The following SLC2A10 variants were observed in gnomAD, a reference collection of about 807,000 sequenced individuals.
SLC2A10 encodes the protein solute carrier family 2 member 10, also known as solute carrier family 2, facilitated glucose transporter member 10.
A neutral mutation model predicts 32.1 loss-of-function variants in SLC2A10; 25 were observed. That is an observed-to-expected ratio of 0.78 (90% CI 0.57 to 1.09). The LOEUF (loss-of-function observed/expected upper bound fraction) is 1.09, where lower values mean the gene tolerates loss of function less well. SLC2A10 is among the 50% of genes least tolerant of loss of function. The pLI is 0.00. For missense variants in SLC2A10, 673 were observed against 686.5 expected (o/e 0.98, Z 0.22); for synonymous variants, 332 against 309.6 (o/e 1.07, Z -0.76).
At chr20:46,722,794 G>A (rs191055570) in intron 1 of SLC2A10, among the ~76,000 whole-genome samples, 2 of 152,254 alleles carry the variant, frequency 1.3e-5, no homozygotes, top group African/African-American at 4.8e-5. Context: ...ACAATACCTG[G>A]AGCTGTGTTG....
rs1238953277 is a variant in SLC2A10 at position 46,711,030 on chromosome 20, G to A, written c.4+1290G>A. Among the ~76,000 whole-genome samples the A allele has an allele frequency of 3.3e-5, 5 of 152,070 alleles. No homozygotes were observed. The East Asian group carries it at 5.8e-4, about 18-fold the overall frequency. ...TGGGATTACAGGCATACACCACCAC[G>A]CCCAGCTAATTTTTGTATTTTTAGT... On this transcript the variant is annotated intron_variant, in intron 1 of 4. Transcript: ENST00000359271.
chr20:46,724,011 C>T (rs1318611562), intron 1 of SLC2A10, among the ~76,000 whole-genome samples: 1 of 152,188 alleles, frequency 6.6e-6, no homozygotes. Context: ...ACTGTCCTAC[C>T]TCAGGGCCTC....
chr20:46,710,231 G>A (rs1180988580), intron 1 of SLC2A10: 2 of 404,820 alleles, frequency 4.9e-6, no homozygotes, highest in East Asian at 3.6e-5. Flanking sequence ...GACAGAGAAG[G>A]AGATTCTAAC....
rs1411275410 is a variant in SLC2A10, at chr20:46,716,214, AC to A, written c.4+6475del. ...GTTGTCCAGGCTGGAGTGCAGTGGC[AC>A]GATCTCGGCTCACTGCAACCTCCAC... On this transcript the variant is annotated intron_variant, in intron 1 of 4. Transcript: ENST00000359271. Among the ~76,000 whole-genome samples the A allele has an allele frequency of 5.4e-5, 8 of 149,204 alleles. No individual in the cohort carries two copies. The East Asian group carries it at 1.6e-3, about 29-fold the overall frequency.
At position 46,729,394 on chromosome 20, in the gene SLC2A10, A is replaced by G. The variant is rs138245283; in HGVS notation, c.1453A>G (p.Thr485Ala). The G allele has an allele frequency of 1.7e-5, 28 of 1,613,744 alleles. No individual in the cohort carries two copies. The African/African-American group carries it at 3.7e-4, about 22-fold the overall frequency. The change falls in exon 4 of 5, where the codon ACC becomes GCC. Residue 485 changes from threonine (T) to alanine (A), a missense_variant. Coordinates refer to ENST00000359271, the MANE Select transcript of SLC2A10 (RefSeq NM_030777.4). ...CTGGACCTTCCTGCTCTACGGACTG[A>G]CCGCTGTCCTCGGCCTGGGCTTCAT... ...LSWTFLLYGL[T>A]AVLGLGFIYL... is the part of the protein sequence containing the mutation.
intron 1 of SLC2A10, among the ~76,000 whole-genome samples, chr20:46,716,396 G>T (rs546585766): frequency 6.6e-6 from 1 of 151,920 alleles, no homozygotes; most frequent in African/African-American, 2.4e-5. Flanking sequence ...CAAGTGATCC[G>T]CCCGCCTCAG....
chr20:46,728,911 C>A (rs201482624), intron 3 of SLC2A10, among the ~76,000 whole-genome samples: 2 of 152,030 alleles, frequency 1.3e-5, no homozygotes, highest in South Asian at 2.1e-4. Context: ...AGGCATGAAC[C>A]ACTGCACCAA....
At chr20:46,723,963 A>G (rs903811072) in intron 1 of SLC2A10, among the ~76,000 whole-genome samples, 2 of 152,268 alleles carry the variant, frequency 1.3e-5, no homozygotes, top group African/African-American at 4.8e-5. Context: ...CCATATAAGT[A>G]CTAACCATTA....
rs374891798 is a variant in SLC2A10, at chr20:46,726,198, C to T, written c.1162C>T (p.Arg388Trp). The T allele has an allele frequency of 2.4e-5, 39 of 1,614,198 alleles. No individual in the cohort carries two copies. The Middle Eastern group carries it at 6.6e-4, about 27-fold the overall frequency. Reference protein sequence around the residue: ...PRSGDPSAPPRLALSSALPGP... With the variant: ...PRSGDPSAPPWLALSSALPGP... ...ATCTGGAGACCCCTCAGCCCCTCCT[C>T]GGCTGGCCCTGAGCTCTGCCCTCCC... The change falls in exon 2 of 5, where the codon CGG becomes TGG. Residue 388 changes from arginine to tryptophan, a missense_variant. Physicochemically the swap from Arg to Trp is moderately radical, Grantham distance 101. Coordinates refer to ENST00000359271, the MANE Select transcript of SLC2A10 (RefSeq NM_030777.4).
intron 1 of SLC2A10, 147 bp from the exon 2 acceptor site, chr20:46,724,894 A>ATGGATGGATGGATGGG: frequency 1.0e-6 from 1 of 969,352 alleles, no homozygotes; most frequent in South Asian, 1.5e-5. Flanking sequence ...GGATGGATGG[A>ATGGATGGATGGATGGG]TGGATGGATG....
At chr20:46,728,199 C>T (rs1980081436) in intron 3 of SLC2A10, among the ~76,000 whole-genome samples, 1 of 152,140 alleles carries the variant, frequency 6.6e-6, no homozygotes, top group Admixed American at 6.5e-5. Context: ...CCCGTCCAGC[C>T]AGGGAGTCAA....
At chr20:46,724,186 T>A (rs1979710355) in intron 1 of SLC2A10, among the ~76,000 whole-genome samples, 1 of 152,256 alleles carries the variant, frequency 6.6e-6, no homozygotes, top group Non-Finnish European at 1.5e-5. Flanking sequence ...TTATGACATC[T>A]TCACTATCTG....
chr20:46,713,347 G>A (rs774967740), intron 1 of SLC2A10, among the ~76,000 whole-genome samples: 18 of 152,022 alleles, frequency 1.2e-4, no homozygotes, highest in Non-Finnish European at 2.1e-4. Flanking sequence ...TTGAATTTTA[G>A]GTAGAAGGCC....
In SLC2A10 at chr20:46,734,007, A is replaced by T; in HGVS notation, c.*173A>T. The stretch of plus-strand genomic sequence containing the variant: ...AAGGATGAAAGTCTGAGAATGCCCA[A>T]CTCTTCATTTTGAGTCTCAGGCCCT... On this transcript the variant is annotated 3_prime_UTR_variant, in exon 5 of 5. Coordinates refer to ENST00000359271, the MANE Select transcript of SLC2A10 (RefSeq NM_030777.4). 1.5e-6 allele frequency: 1 copy of T among 680,644 alleles called. No individual in the cohort carries two copies. The highest frequency in any genetic ancestry group is 2.6e-6 in the Non-Finnish European group (1 of 378,648). 42.2% of individuals were successfully genotyped at this position (680,644 alleles called of 1,614,324 possible).
chr20:46,733,352 A>T (rs1980395746), intron 4 of SLC2A10, among the ~76,000 whole-genome samples: 1 of 152,160 alleles, frequency 6.6e-6, no homozygotes, highest in Non-Finnish European at 1.5e-5. Flanking sequence ...ACCAAAAGGG[A>T]TGGTGTTAAA....
chr20:46,709,058 T>TC (rs1270825616), upstream of SLC2A10, among the ~76,000 whole-genome samples: 1 of 152,060 alleles, frequency 6.6e-6, no homozygotes, highest in African/African-American at 2.4e-5. Context: ...TTTTTCGTCT[T>TC]CCCCTCCTAG....
chr20:46,729,866 G>C (rs1385395829), intron 4 of SLC2A10, among the ~76,000 whole-genome samples: 2 of 151,806 alleles, frequency 1.3e-5, no homozygotes, highest in Non-Finnish European at 2.9e-5. Flanking sequence ...TCCTGACCTC[G>C]TGATCCGCCC....
Position 46,726,963 on chromosome 20 carries a change from G to T in SLC2A10, c.1388G>T (p.Ser463Ile). 1.2e-6 allele frequency: 2 copies of T among 1,614,214 alleles called. No individual in the cohort carries two copies. The highest frequency in any genetic ancestry group is 8.5e-7 in the Non-Finnish European group (1 of 1,180,050). Residue 463 changes from serine to isoleucine, a missense_variant, in exon 3 of 5, where the codon AGC becomes ATC. Ser to Ile is a moderately radical substitution (Grantham distance 142). Transcript: ENST00000359271. Reference sequence around the variant, plus strand: ...AACTGGGCGGCCAACCTCTTCATCAGCCTCTCCTTCCTCGATCTCATTGGT... The same window carrying T: ...AACTGGGCGGCCAACCTCTTCATCATCCTCTCCTTCCTCGATCTCATTGGT... ...SFNWAANLFI[S>I]LSFLDLIGTI...
At chr20:46,729,060 G>A (rs1225248734) in intron 3 of SLC2A10, among the ~76,000 whole-genome samples, 2 of 152,098 alleles carry the variant, frequency 1.3e-5, no homozygotes, top group East Asian at 3.9e-4. Flanking sequence ...CGTGCTCCAC[G>A]GGATAGTGCT....
Sources: gnomAD v4.1 joint callset for allele counts (sites outside exome capture counted in the v4.1 genomes callset) on GRCh38, gnomAD v4.1.1 for gene constraint, MANE v1.5 for transcripts, NCBI Gene and HGNC (gene_info 2026-07-23, HGNC 2026-07-21) for gene names.